Variants in ACTR3B observed in about 807,000 individuals in gnomAD.
ACTR3B encodes actin-related protein 3B.
A neutral mutation model predicts 59.0 loss-of-function variants in ACTR3B; 8 were observed. That is an observed-to-expected ratio of 0.14 (90% CI 0.08 to 0.24). The LOEUF is 0.24. Ranked by LOEUF, ACTR3B falls within the 10% of genes least tolerant of loss-of-function variation. The pLI is 1.00. For synonymous variants in ACTR3B, 148 were observed against 197.9 expected, an observed-to-expected ratio of 0.75 and a Z score of 2.12; for missense variants, 245 against 552.3, an observed-to-expected ratio of 0.44 and a Z score of 5.58.
Position 152,762,645 on chromosome 7 carries a change from A to G in ACTR3B, c.44+2719A>G, listed in dbSNP as rs375374060. 5.9e-4 allele frequency among the ~76,000 whole-genome samples: 90 copies of G among 152,346 alleles called. No homozygotes were observed. The South Asian group carries it at 8.9e-3, about 15-fold the overall frequency. On this transcript the variant is annotated intron_variant, in intron 1 of 11. Transcript: ENST00000256001. ...TAACATACATACAGTAGTATCCTAT[A>G]TACAGTATGGATTCATGTCTTTTAT...
At chr7:152,763,833 A>G (rs1180060539) in intron 1 of ACTR3B, among the ~76,000 whole-genome samples, 1 of 152,162 alleles carries the variant, frequency 6.6e-6, no homozygotes, top group African/African-American at 2.4e-5. Context: ...ATTTTAAGGA[A>G]GAACTTATCC....
At chr7:152,804,343 T>C (rs965099689) in intron 4 of ACTR3B, among the ~76,000 whole-genome samples, 1 of 152,210 alleles carries the variant, frequency 6.6e-6, no homozygotes, top group African/African-American at 2.4e-5. Flanking sequence ...AAGCAGCACA[T>C]GCAGACGACC....
chr7:152,830,019 T>C (rs1361603963), intron 9 of ACTR3B, among the ~76,000 whole-genome samples: 1 of 152,224 alleles, frequency 6.6e-6, no homozygotes, highest in East Asian at 1.9e-4. Flanking sequence ...GAAATAACTC[T>C]AATGGGAACC....
chr7:152,852,034 C>A, intron 9 of ACTR3B, 92 bp from the exon 10 acceptor site: 1 of 1,539,730 alleles, frequency 6.5e-7, no homozygotes, highest in Non-Finnish European at 8.9e-7. Context: ...TGCCCACAAG[C>A]GATTGGACCT....
chr7:152,808,443 A>T (rs1282389580), intron 4 of ACTR3B, among the ~76,000 whole-genome samples: 2 of 151,460 alleles, frequency 1.3e-5, no homozygotes, highest in South Asian at 2.1e-4. Flanking sequence ...CTTAATCTTC[A>T]TCCATCTGGG....
At chr7:152,849,080 C>T (rs1029696390) in intron 9 of ACTR3B, among the ~76,000 whole-genome samples, 11 of 152,158 alleles carry the variant, frequency 7.2e-5, no homozygotes, top group African/African-American at 1.9e-4. Context: ...GAGAAATGGA[C>T]GTGACAGCGG....
intron 9 of ACTR3B, among the ~76,000 whole-genome samples, chr7:152,826,289 C>T (rs1380067541): frequency 2.6e-5 from 4 of 151,786 alleles, no homozygotes; most frequent in South Asian, 2.1e-4. Flanking sequence ...ATATAGTTTG[C>T]GTATTTTTTG....
At chr7:152,837,031 C>T (rs1797515517) in intron 9 of ACTR3B, among the ~76,000 whole-genome samples, 1 of 152,172 alleles carries the variant, frequency 6.6e-6, no homozygotes, top group Admixed American at 6.5e-5. Context: ...AAAAAATTAG[C>T]TGGATATGGT....
chr7:152,778,799 C>T (rs914285398), intron 1 of ACTR3B, among the ~76,000 whole-genome samples: 16 of 151,094 alleles, frequency 1.1e-4, no homozygotes, highest in African/African-American at 1.9e-4. Flanking sequence ...AAAACTTAGC[C>T]GGGTGTGATG....
chr7:152,806,833 T>A (rs998857251), intron 4 of ACTR3B, among the ~76,000 whole-genome samples: 19 of 152,388 alleles, frequency 1.2e-4, no homozygotes, highest in Admixed American at 2.6e-4. Flanking sequence ...TTTCCCATCA[T>A]AGATCAGTGG....
chr7:152,805,889 G>A (rs1175630011), intron 4 of ACTR3B, among the ~76,000 whole-genome samples: 3 of 152,218 alleles, frequency 2.0e-5, no homozygotes, highest in African/African-American at 7.2e-5. Context: ...TGGAGGTGGA[G>A]TAATATTAGA....
At chr7:152,785,621 G>A (rs983047138) in intron 2 of ACTR3B, among the ~76,000 whole-genome samples, 5 of 136,786 alleles carry the variant, frequency 3.7e-5, no homozygotes, top group Admixed American at 3.0e-4. Flanking sequence ...CTGGGTCACC[G>A]TGGACAGTTG....
At chr7:152,799,010 T>C (rs1166579074) in intron 2 of ACTR3B, among the ~76,000 whole-genome samples, 1 of 152,216 alleles carries the variant, frequency 6.6e-6, no homozygotes, top group African/African-American at 2.4e-5. Flanking sequence ...TTAGGATTAT[T>C]TTTTCTGTTT....
chr7:152,765,679 A>G (rs1362789744), intron 1 of ACTR3B, among the ~76,000 whole-genome samples: 1 of 152,108 alleles, frequency 6.6e-6, no homozygotes, highest in East Asian at 1.9e-4. Flanking sequence ...CTTGAGATGT[A>G]TGAAGGCTTT....
intron 9 of ACTR3B, among the ~76,000 whole-genome samples, chr7:152,829,683 T>C (rs1465136189): frequency 6.6e-6 from 1 of 152,058 alleles, no homozygotes; most frequent in African/African-American, 2.4e-5. Flanking sequence ...TCTGATGTAA[T>C]TGGGCTTGGG....
At chr7:152,760,624 T>TG (rs2117088206) in intron 1 of ACTR3B, among the ~76,000 whole-genome samples, 1 of 152,376 alleles carries the variant, frequency 6.6e-6, no homozygotes, top group South Asian at 2.1e-4. Flanking sequence ...GACTCCATTT[T>TG]GAAAAATACC....
At chr7:152,846,009 T>C (rs911946583) in intron 9 of ACTR3B, among the ~76,000 whole-genome samples, 2 of 152,266 alleles carry the variant, frequency 1.3e-5, no homozygotes, top group Non-Finnish European at 2.9e-5. Flanking sequence ...ATCCTCAGAA[T>C]GACAAAGTAT....
rs542738507 is a variant in ACTR3B, at chr7:152,826,313, A to G, written c.951+1191A>G. Among the ~76,000 whole-genome samples, 1,081 of 152,166 alleles carry G rather than the reference A, an allele frequency of 7.1e-3. 9 individuals carry two copies. The highest frequency in any genetic ancestry group is 0.02 in the Middle Eastern group (6 of 294). On this transcript the variant is annotated intron_variant, in intron 9 of 11. Coordinates refer to ENST00000256001, the MANE Select transcript of ACTR3B (RefSeq NM_020445.6). ...GCGTATTTTTTGAATTATGTATGCT[A>G]AACTCTTAAAGTAAATAAAATATCT...
intron 3 of ACTR3B, among the ~76,000 whole-genome samples, chr7:152,800,924 T>C (rs1176169642): frequency 5.3e-5 from 8 of 152,262 alleles, no homozygotes; most frequent in Non-Finnish European, 8.8e-5. Flanking sequence ...TGGAAAATTG[T>C]TGACAGGTTG....
Sources: allele counts gnomAD v4.1 joint callset (sites outside exome capture counted in the v4.1 genomes callset), GRCh38; gene constraint gnomAD v4.1.1; transcripts MANE v1.5; gene names NCBI Gene and HGNC (gene_info 2026-07-23, HGNC 2026-07-21).